The following FBXL2 variants were observed in gnomAD, a reference collection of about 807,000 sequenced individuals.
The protein encoded by FBXL2 is F-box/LRR-repeat protein 2.
FBXL2 carries 38 observed loss-of-function variants against 69.2 expected under a neutral mutation model. That is an observed-to-expected ratio of 0.55 (90% CI 0.42 to 0.72). The LOEUF is 0.72. Ranked by LOEUF, FBXL2 falls within the 30% of genes least tolerant of loss-of-function variation. FBXL2 has a pLI of 0.00. For missense variants in FBXL2, 354 were observed against 520.3 expected (o/e 0.68, Z 3.11); for synonymous variants, 192 against 201.3 (o/e 0.95, Z 0.39).
rs1694850111 is a variant in FBXL2, at chr3:33,373,920, C to T, written c.656C>T (p.Ser219Leu). The T allele has an allele frequency of 1.2e-6, 2 of 1,613,998 alleles. No homozygotes were observed. Among genetic ancestry groups the T allele is most frequent in the Non-Finnish European group, 1.7e-6 (2 of 1,179,946 alleles). The change falls in exon 9 of 15, where the codon TCA becomes TTA. Residue 219 changes from serine (S) to leucine (L), a missense_variant and splice_region_variant. Ser to Leu is a moderately radical substitution (Grantham distance 145). Transcript: ENST00000484457. Reference protein sequence around the residue: ...ELVSLNLQSCSRITDEGVVQI... With the variant: ...ELVSLNLQSCLRITDEGVVQI... ...GTGAGCCTCAACTTGCAGTCCTGCT[C>T]AGTAAGTAGCGTGCCTTTCCTGAAC...
chr3:33,351,128 A>G (rs2040800607), intron 2 of FBXL2, among the ~76,000 whole-genome samples: 1 of 151,994 alleles, frequency 6.6e-6, no homozygotes, highest in Non-Finnish European at 1.5e-5. Context: ...TTAGCCGGGC[A>G]TGGTGGTGGT....
intron 12 of FBXL2, among the ~76,000 whole-genome samples, chr3:33,394,816 TG>T (rs1283032012): frequency 4.2e-5 from 5 of 119,362 alleles, no homozygotes; most frequent in South Asian, 5.3e-4. Flanking sequence ...GCCCTCCACT[TG>T]TTTTTTTTTT....
intron 2 of FBXL2, among the ~76,000 whole-genome samples, chr3:33,319,644 A>G (rs2038023784): frequency 6.6e-6 from 1 of 152,230 alleles, no homozygotes; most frequent in Non-Finnish European, 1.5e-5. Context: ...TACCTTTAGC[A>G]TCTATACAGT....
At chr3:33,369,601 TATTATC>T (rs2042163138) in intron 5 of FBXL2, among the ~76,000 whole-genome samples, 1 of 151,862 alleles carries the variant, frequency 6.6e-6, no homozygotes, top group Non-Finnish European at 1.5e-5. Flanking sequence ...AGAGATTTAT[TATTATC>T]ATTATTATCA....
In FBXL2 at chr3:33,342,711, C is replaced by CTTTTTTTTTTTTTTTTT. The variant is rs71070130; in HGVS notation, c.66-16240_66-16224dup. Among the ~76,000 whole-genome samples, 9 of 37,926 alleles carry CTTTTTTTTTTTTTTTTT rather than the reference C, an allele frequency of 2.4e-4. 4 individuals are homozygous for CTTTTTTTTTTTTTTTTT. Among genetic ancestry groups the CTTTTTTTTTTTTTTTTT allele is most frequent in the East Asian group, 1.6e-3 (2 of 1,282 alleles). 24.9% of individuals were successfully genotyped at this position (37,926 alleles called of 152,430 possible). ...GATTCTTGCAAAACAAATATAACTT[C>CTTTTTTTTTTTTTTTTT]TTTTTTTTTTTTTTTTTTTTTTTTT... On this transcript the variant is annotated intron_variant, in intron 2 of 14. Transcript: ENST00000484457.
At chr3:33,363,847 AGTC>A (rs549265388) in intron 4 of FBXL2, among the ~76,000 whole-genome samples, 244 of 152,296 alleles carry the variant, frequency 1.6e-3, no homozygotes, top group African/African-American at 5.5e-3. Context: ...ATGTTCCTGT[AGTC>A]CTAGCTACTC....
At chr3:33,358,205 A>G in intron 2 of FBXL2, among the ~76,000 whole-genome samples, 1 of 152,024 alleles carries the variant, frequency 6.6e-6, no homozygotes, top group Non-Finnish European at 1.5e-5. Flanking sequence ...AACCCTGTCC[A>G]CCCTTCTTCT....
chr3:33,364,784 C>A, intron 5 of FBXL2, 65 bp downstream of exon 5: 1 of 1,327,194 alleles, frequency 7.5e-7, no homozygotes, highest in Non-Finnish European at 1.1e-6. Flanking sequence ...AAAAATAAAC[C>A]AAGCCTATTA....
At chr3:33,290,595 A>C (rs1356511075) in intron 1 of FBXL2, among the ~76,000 whole-genome samples, 1 of 152,208 alleles carries the variant, frequency 6.6e-6, no homozygotes, top group Non-Finnish European at 1.5e-5. Flanking sequence ...AATATATTAG[A>C]AATGAAGAAT....
Position 33,373,136 on chromosome 3 carries a change from A to G in FBXL2, c.335A>G (p.Asn112Ser), listed in dbSNP as rs756929713. ...NCRNIEHLNL[N>S]GCTKITDSTC... Reference sequence around the variant, plus strand: ...CGAAACATTGAACATTTGAACCTCAATGGATGCACAAAAATCACTGACAGG... The same window carrying G: ...CGAAACATTGAACATTTGAACCTCAGTGGATGCACAAAAATCACTGACAGG... The change falls in exon 6 of 15, where the codon AAT (asparagine) becomes AGT (serine). Residue 112 changes from asparagine (N) to serine (S), a missense_variant. Coordinates refer to ENST00000484457, the MANE Select transcript of FBXL2 (RefSeq NM_012157.5). 17 of 1,614,088 alleles carry G rather than the reference A, an allele frequency of 1.1e-5. No individual in the cohort carries two copies. Among genetic ancestry groups the G allele is most frequent in the Admixed American group, 5.0e-5 (3 of 60,002 alleles).
chr3:33,351,648 T>C (rs2040834899), intron 2 of FBXL2, among the ~76,000 whole-genome samples: 1 of 152,194 alleles, frequency 6.6e-6, no homozygotes, highest in Non-Finnish European at 1.5e-5. Context: ...TTTTACTAAA[T>C]TACTTTGTGA....
At chr3:33,324,050 G>A (rs1013990899) in intron 2 of FBXL2, among the ~76,000 whole-genome samples, 4 of 152,046 alleles carry the variant, frequency 2.6e-5, no homozygotes, top group African/African-American at 9.7e-5. Flanking sequence ...CATTTCTCTA[G>A]TGACCAGTGA....
At chr3:33,398,515 C>T (rs2044096162) in intron 12 of FBXL2, 1 of 152,330 alleles carries the variant, frequency 6.6e-6, no homozygotes, top group Admixed American at 6.5e-5. Flanking sequence ...ATGTACAACC[C>T]TTCCTGAAAT....
intron 2 of FBXL2, among the ~76,000 whole-genome samples, chr3:33,326,255 C>T (rs984813452): frequency 1.3e-5 from 2 of 152,112 alleles, no homozygotes; most frequent in Admixed American, 6.5e-5. Context: ...AATCCCAGCA[C>T]TTTGGGAGGC....
At chr3:33,292,508 A>C (rs2035333424) in intron 1 of FBXL2, among the ~76,000 whole-genome samples, 1 of 152,202 alleles carries the variant, frequency 6.6e-6, no homozygotes, top group Non-Finnish European at 1.5e-5. Context: ...CACCTCTATC[A>C]CTAATTGACA....
the FBXL2 span, among the ~76,000 whole-genome samples, chr3:33,421,376 G>A: frequency 2.6e-5 from 4 of 152,290 alleles, no homozygotes; most frequent in African/African-American, 9.6e-5. Context: ...AGGTTCAAGT[G>A]ATTCTCCTGC....
intron 12 of FBXL2, chr3:33,400,276 G>T: frequency 6.3e-7 from 1 of 1,596,078 alleles, no homozygotes; most frequent in South Asian, 1.2e-5. Context: ...GCTGAAGGCT[G>T]AATTTGCTAT....
Position 33,387,133 on chromosome 3 carries a change from T to C in FBXL2, c.*1525T>C, listed in dbSNP as rs1172943553. 1 of 152,180 alleles carries C rather than the reference T, an allele frequency of 6.6e-6. No homozygotes were observed. Among genetic ancestry groups the C allele is most frequent in the Admixed American group, 6.5e-5 (1 of 15,288 alleles). The allele number at this position is 152,180 out of a possible 1,614,324, so 9.4% of individuals were successfully genotyped here. ...GCCTTATGATATATTCCAGTATTCC[T>C]TGGTCTAAAAATTGTGTGGATACCA... On this transcript the variant is annotated 3_prime_UTR_variant, in exon 15 of 15. Coordinates refer to ENST00000484457, the MANE Select transcript of FBXL2 (RefSeq NM_012157.5).
In FBXL2 at chr3:33,384,162, C is replaced by T. The variant is rs2043250965; in HGVS notation, c.1125C>T (p.Asp375=). Residue 375 remains aspartate, a synonymous_variant, in exon 14 of 15, where the codon GAC becomes GAT. Transcript: ENST00000484457. ...GCCTGGAGCGCCTCGAGCTGTACGA[C>T]TGCCAGCAGGTTACCCGTGCAGGCA... The part of the protein sequence containing the change: ...CRGLERLELY[D]CQQVTRAGIK... 1 of 1,614,042 alleles carries T rather than the reference C, an allele frequency of 6.2e-7. No individual in the cohort carries two copies. The highest frequency in any genetic ancestry group is 1.3e-5 in the African/African-American group (1 of 74,948).
Sources: allele counts gnomAD v4.1 joint callset (sites outside exome capture counted in the v4.1 genomes callset), GRCh38; gene constraint gnomAD v4.1.1; transcripts MANE v1.5; gene names NCBI Gene and HGNC (gene_info 2026-07-23, HGNC 2026-07-21).